The following WFIKKN1 variants were observed in gnomAD, a reference collection of about 807,000 sequenced individuals.
WFIKKN1 encodes the protein WAP, follistatin/kazal, immunoglobulin, kunitz and netrin domain containing 1.
In WFIKKN1, 6 loss-of-function variants were observed where a neutral mutation model predicts 4.6. The ratio of observed to expected loss-of-function variants is 1.31; its 90% CI spans 0.72 to 2.59. WFIKKN1 has a LOEUF of 2.59. WFIKKN1 is among the 30% of genes most tolerant of loss of function. The pLI is 0.00. For synonymous variants in WFIKKN1, 468 were observed against 367.4 expected (o/e 1.27, Z -3.13); for missense variants, 964 against 818.0 (o/e 1.18, Z -2.18).
intron 1 of WFIKKN1, chr16:632,339 C>T (rs2036960733): frequency 2.2e-6 from 1 of 452,314 alleles, no homozygotes; most frequent in East Asian, 3.6e-5. Context: ...GTTTCCTCGT[C>T]TGTACAACGT....
Position 633,823 on chromosome 16 carries a change from G to A in WFIKKN1, c.1413G>A (p.Lys471=), listed in dbSNP as rs2036990430. The A allele has an allele frequency of 1.2e-6, 2 of 1,603,024 alleles. No homozygotes were observed. The highest frequency in any genetic ancestry group is 1.7e-6 in the Non-Finnish European group (2 of 1,175,326). The part of the protein sequence containing the change: ...DVLKDDKMGL[K]FLGTKYLEVT... ...TCAAGGATGACAAGATGGGCCTCAA[G>A]TTCTTGGGCACCAAGTACCTGGAGG... The change falls in exon 2 of 2, where the codon AAG becomes AAA. Residue 471 remains lysine (K), a synonymous_variant. Transcript: ENST00000319070.
rs1197866710 is a variant in WFIKKN1, at chr16:633,982, C to A, written c.1572C>A (p.Ser524Arg). ...LDAGSYVRAASEKRVKKILEL... is the reference protein window; with the variant it reads ...LDAGSYVRAAREKRVKKILEL... ...CCGGCAGCTACGTCCGCGCCGCCAG[C>A]GAGAAGCGCGTCAAGAAGATCTTGG... Residue 524 changes from serine (S) to arginine (R), a missense_variant, in exon 2 of 2, where the codon AGC (serine) becomes AGA (arginine). Coordinates refer to ENST00000319070, the MANE Select transcript of WFIKKN1 (RefSeq NM_053284.3). The A allele has an allele frequency of 6.2e-7, 1 of 1,601,346 alleles. No individual in the cohort carries two copies.
rs1380532903 is a variant in WFIKKN1, at chr16:633,590, G to A, written c.1180G>A (p.Gly394Ser). 3 of 1,571,936 alleles carry A rather than the reference G, an allele frequency of 1.9e-6. No individual in the cohort carries two copies. Among genetic ancestry groups the A allele is most frequent in the East Asian group, 2.4e-5 (1 of 42,134 alleles). Residue 394 changes from glycine (G) to serine (S), a missense_variant, in exon 2 of 2, where the codon GGC becomes AGC. Physicochemically the swap from Gly to Ser is moderately conservative, Grantham distance 56 (BLOSUM62 0). Coordinates refer to ENST00000319070, the MANE Select transcript of WFIKKN1 (RefSeq NM_053284.3). Reference protein sequence around the residue: ...CHPFVYGGCEGNGNNFHSRES... With the variant: ...CHPFVYGGCESNGNNFHSRES... ...TCCCTTCGTGTACGGTGGCTGCGAGGGCAACGGCAACAACTTCCACAGCCG... is the reference window on the plus strand; with the variant it reads ...TCCCTTCGTGTACGGTGGCTGCGAGAGCAACGGCAACAACTTCCACAGCCG...
Position 632,811 on chromosome 16 carries a change from C to T in WFIKKN1, c.401C>T (p.Thr134Ile), listed in dbSNP as rs2036968030. ...TTCACCTGCGCCTCGGACGGCCTCACCTACTACAACCGCTGCTATATGGAC... is the reference window on the plus strand; with the variant it reads ...TTCACCTGCGCCTCGGACGGCCTCATCTACTACAACCGCTGCTATATGGAC... ...PSFTCASDGLTYYNRCYMDAE... is the reference protein window; with the variant it reads ...PSFTCASDGLIYYNRCYMDAE... The change falls in exon 2 of 2, where the codon ACC becomes ATC. Residue 134 changes from threonine (T) to isoleucine (I), a missense_variant. Coordinates refer to ENST00000319070, the MANE Select transcript of WFIKKN1 (RefSeq NM_053284.3). 2.5e-6 allele frequency: 4 copies of T among 1,592,102 alleles called. No individual in the cohort carries two copies. Among genetic ancestry groups the T allele is most frequent in the Non-Finnish European group, 3.4e-6 (4 of 1,167,984 alleles).
At chr16:631,588 TAAGAA>T in intron 1 of WFIKKN1, 164 bp downstream of exon 1, 1 of 532,574 alleles carries the variant, frequency 1.9e-6, no homozygotes, top group Non-Finnish European at 2.7e-6. Flanking sequence ...TCATTTGTCT[TAAGAA>T]TAAGAGCCCT....
chr16:633,208 C>T lies in WFIKKN1; in HGVS notation c.798C>T (p.Arg266=), dbSNP rs1019098013. The stretch of plus-strand genomic sequence containing the variant: ...CCGGCCTGTACACCTGCACCGCGCG[C>T]AACGCTGCTGGGCTGCTGCGGGCTG... ...EDAGLYTCTA[R]NAAGLLRADF... The change falls in exon 2 of 2, where the codon CGC becomes CGT. Residue 266 remains arginine (R), a synonymous_variant. Transcript: ENST00000319070. The T allele has an allele frequency of 6.3e-7, 1 of 1,591,218 alleles. No individual in the cohort carries two copies. The highest frequency in any genetic ancestry group is 8.6e-7 in the Non-Finnish European group (1 of 1,168,482).
chr16:633,170 C>A lies in WFIKKN1; in HGVS notation c.760C>A (p.Arg254=). The A allele has an allele frequency of 6.3e-7, 1 of 1,597,816 alleles. No individual in the cohort carries two copies. The highest frequency in any genetic ancestry group is 8.5e-7 in the Non-Finnish European group (1 of 1,170,276). ...SIGQLVLYNA[R]PEDAGLYTCT... ...CGGGCAGCTGGTGCTCTACAACGCG[C>A]GGCCCGAAGACGCCGGCCTGTACAC... The change falls in exon 2 of 2, where the codon CGG becomes AGG. Residue 254 remains arginine, a synonymous_variant. Coordinates refer to ENST00000319070, the MANE Select transcript of WFIKKN1 (RefSeq NM_053284.3).
chr16:632,741 C>A lies in WFIKKN1; in HGVS notation c.331C>A (p.Gln111Lys). 1 of 1,610,414 alleles carries A rather than the reference C, an allele frequency of 6.2e-7. No individual in the cohort carries two copies. ...CTCGGACTGCGACATCTGGGACGGG[C>A]AGCCCGTGTGCCGCTGCCGCGACCG... ...QGSDCDIWDG[Q>K]PVCRCRDRCE... Residue 111 changes from glutamine to lysine, a missense_variant, in exon 2 of 2, where the codon CAG (glutamine) becomes AAG (lysine). By Grantham distance (53) the Gln-to-Lys change is moderately conservative. Transcript: ENST00000319070.
rs765174836 is a variant in WFIKKN1 at position 632,635 on chromosome 16, C to A, written c.225C>A (p.Cys75Ter). Residue 75 changes from cysteine (C) to a stop codon, truncating the protein, a stop_gained, in exon 2 of 2, where the codon TGC becomes TGA. Coordinates refer to ENST00000319070, the MANE Select transcript of WFIKKN1 (RefSeq NM_053284.3). LOFTEE classifies it low-confidence loss of function (END_TRUNC). Reference sequence around the variant, plus strand: ...TCAACGTGTGTGGACTGCACAGCTGCGTGGCAGCACGCTTCCCCGGCAGCC... The same window carrying A: ...TCAACGTGTGTGGACTGCACAGCTGAGTGGCAGCACGCTTCCCCGGCAGCC... ...CCINVCGLHS[C>*]VAARFPGSPA... The A allele has an allele frequency of 1.9e-6, 3 of 1,595,834 alleles. No individual in the cohort carries two copies. Among genetic ancestry groups the A allele is most frequent in the Non-Finnish European group, 8.5e-7 (1 of 1,170,222 alleles).
intron 1 of WFIKKN1, 95 bp downstream of exon 1, chr16:631,519 T>C: frequency 6.8e-7 from 1 of 1,473,860 alleles, no homozygotes; most frequent in South Asian, 1.3e-5. Context: ...CTCCCCAGAC[T>C]TCTGGGGGGT....
At position 633,876 on chromosome 16, in the gene WFIKKN1, G is replaced by A; in HGVS notation, c.1466G>A (p.Cys489Tyr). The A allele has an allele frequency of 6.3e-7, 1 of 1,595,496 alleles. No individual in the cohort carries two copies. Among genetic ancestry groups the A allele is most frequent in the Non-Finnish European group, 8.5e-7 (1 of 1,171,878 alleles). Residue 489 changes from cysteine (C) to tyrosine (Y), a missense_variant, in exon 2 of 2, where the codon TGC becomes TAC. Transcript: ENST00000319070. ...ACGCTGAGTGGCATGGACTGGGCCT[G>A]CCCCTGCCCCAACATGACGGCGGGC... ...EVTLSGMDWA[C>Y]PCPNMTAGDG...
rs771102109 is a variant in WFIKKN1, at chr16:633,290, C to T, written c.880C>T (p.Pro294Ser). The T allele has an allele frequency of 2.0e-5, 31 of 1,586,114 alleles. No individual in the cohort carries two copies. Among genetic ancestry groups the T allele is most frequent in the South Asian group, 2.3e-5 (2 of 87,944 alleles). The change falls in exon 2 of 2, where the codon CCA (proline) becomes TCA (serine). Residue 294 changes from proline (P) to serine (S), a missense_variant. Pro to Ser is a moderately conservative substitution (Grantham distance 74). Transcript: ENST00000319070. ...GGCCAGGGACGCAGCCCCCAGCATC[C>T]CAGCCCCGGCCGAGTGCCTGCCGGA... ...EPARDAAPSI[P>S]APAECLPDVQ... is the part of the protein sequence containing the mutation.
rs1187023394 is a variant in WFIKKN1, at chr16:633,652, A to G, written c.1242A>G (p.Thr414=). ...SCEDACPVPR[T]PPCRACRLRS... ...AGGATGCCTGCCCCGTGCCGCGCAC[A>G]CCGCCCTGCCGCGCCTGCCGCCTCC... The change falls in exon 2 of 2, where the codon ACA becomes ACG. Residue 414 remains threonine (T), a synonymous_variant. Transcript: ENST00000319070. The G allele has an allele frequency of 1.9e-6, 3 of 1,569,048 alleles. No individual in the cohort carries two copies. The highest frequency in any genetic ancestry group is 2.3e-5 in the South Asian group (2 of 86,338).
At chr16:632,021 C>G (rs1322564252) in intron 1 of WFIKKN1, 3 of 140,034 alleles carry the variant, frequency 2.1e-5, no homozygotes, top group Non-Finnish European at 4.6e-5. Flanking sequence ...TCTCCCACCC[C>G]TTCACTGCCT....
intron 1 of WFIKKN1, 43 bp from the exon 2 acceptor site, chr16:632,539 C>G: frequency 6.9e-7 from 1 of 1,457,408 alleles, no homozygotes; most frequent in Non-Finnish European, 9.1e-7. Context: ...AGCCCCGGGG[C>G]GGGGGGCATT....
rs748428713 is a variant in WFIKKN1 at position 634,026 on chromosome 16, C to T, written c.1616C>T (p.Ala539Val). ...ATCTTGGAGCTGCTGGAGAAGCAGG[C>T]CTGCGAGCTGCTCAACCGCTTCCAG... The part of the protein sequence containing the change: ...KKILELLEKQ[A>V]CELLNRFQD Residue 539 changes from alanine to valine, a missense_variant, in exon 2 of 2, where the codon GCC becomes GTC. Ala to Val is a moderately conservative substitution (Grantham distance 64). Coordinates refer to ENST00000319070, the MANE Select transcript of WFIKKN1 (RefSeq NM_053284.3). 6.3e-6 allele frequency: 10 copies of T among 1,595,478 alleles called. No homozygotes were observed. The highest frequency in any genetic ancestry group is 3.4e-5 in the Admixed American group (2 of 59,104).
At chr16:632,468 C>T in intron 1 of WFIKKN1, 114 bp from the exon 2 acceptor site, 1 of 1,300,844 alleles carries the variant, frequency 7.7e-7, no homozygotes, top group African/African-American at 1.6e-5. Context: ...GGGGAGGCAG[C>T]CACAGAGCGG....
intron 1 of WFIKKN1, 171 bp from the exon 2 acceptor site, chr16:632,411 C>A: frequency 1.3e-6 from 1 of 749,622 alleles, no homozygotes; most frequent in Non-Finnish European, 2.0e-6. Flanking sequence ...GGTGGCACCT[C>A]TGGCGAGGTG....
Position 632,871 on chromosome 16 carries a change from TCGTG to T in WFIKKN1, c.463_466del (p.Val155ProfsTer62). 1 of 1,575,366 alleles carries T rather than the reference TCGTG, an allele frequency of 6.3e-7. No homozygotes were observed. Among genetic ancestry groups the T allele is most frequent in the Non-Finnish European group, 8.6e-7 (1 of 1,158,892 alleles). On this transcript the variant is annotated frameshift_variant, in exon 2 of 2. Transcript: ENST00000319070. LOFTEE classifies it low-confidence loss of function (END_TRUNC). ...TGCCTGCGGGGCCTGCACCTCCACA[TCGTG>T]CCCTGCAAGCACGTGCTCAGCTGGC...
Sources: gnomAD v4.1 joint callset for allele counts on GRCh38, gnomAD v4.1.1 for gene constraint, MANE v1.5 for transcripts, NCBI Gene and HGNC (gene_info 2026-07-23, HGNC 2026-07-21) for gene names.